The following FBLN5 variants were observed in gnomAD, a reference collection of about 807,000 sequenced individuals.
FBLN5 encodes fibulin 5, also known as fibulin-5.
Under a neutral mutation model 61.6 loss-of-function variants are expected in FBLN5, and 24 were observed. The ratio of observed to expected loss-of-function variants is 0.39; its 90% CI spans 0.28 to 0.55. The LOEUF is 0.55. Ranked by LOEUF, FBLN5 falls within the 20% of genes least tolerant of loss-of-function variation. The pLI is 0.65. For missense variants in FBLN5, 470 were observed against 594.1 expected (o/e 0.79, Z 2.17); for synonymous variants, 213 against 219.8 (o/e 0.97, Z 0.27).
At chr14:91,938,629 C>G (rs2056058230) in intron 3 of FBLN5, among the ~76,000 whole-genome samples, 1 of 152,138 alleles carries the variant, frequency 6.6e-6, no homozygotes, top group Admixed American at 6.5e-5. Context: ...GAGGTGGACT[C>G]TCTAGAAAAT....
chr14:91,891,995 GTGAACATAAA>G (rs1178689867), intron 5 of FBLN5, among the ~76,000 whole-genome samples: 1 of 152,214 alleles, frequency 6.6e-6, no homozygotes, highest in Non-Finnish European at 1.5e-5. Flanking sequence ...TTGCACCAGA[GTGAACATAAA>G]ACTCTGGATA....
Position 91,943,425 on chromosome 14 carries a change from C to T in FBLN5, c.18-464G>A, listed in dbSNP as rs1176310084. On this transcript the variant is annotated intron_variant, in intron 1 of 10. Transcript: ENST00000342058. The surrounding 1 kb of genome is among the most constrained non-coding windows in gnomAD (Gnocchi z 4.0). ...ACTCAGGAGGCTGAGGTGGGATCAC[C>T]TGAGCCCAGGGGGTTTGAGGCTGCA... 1.3e-5 allele frequency among the ~76,000 whole-genome samples: 2 copies of T among 152,152 alleles called. No homozygotes were observed. Among genetic ancestry groups the T allele is most frequent in the East Asian group, 1.9e-4 (1 of 5,148 alleles).
In FBLN5 at chr14:91,930,827, C is replaced by T. The variant is rs534780480; in HGVS notation, c.379+6120G>A. ...TTTCCAAGCAGATTCCGAGTGAAGCCACATCAGGCTTAGCTGGGGAAAGCC... is the reference window on the plus strand; with the variant it reads ...TTTCCAAGCAGATTCCGAGTGAAGCTACATCAGGCTTAGCTGGGGAAAGCC... On this transcript the variant is annotated intron_variant, in intron 4 of 10. Transcript: ENST00000342058. Among the ~76,000 whole-genome samples the T allele has an allele frequency of 7.2e-5, 11 of 152,256 alleles. No individual in the cohort carries two copies. The South Asian group carries it at 2.3e-3, about 32-fold the overall frequency.
chr14:91,945,863 T>C (rs1398424884), intron 1 of FBLN5, among the ~76,000 whole-genome samples: 1 of 152,196 alleles, frequency 6.6e-6, no homozygotes, highest in East Asian at 1.9e-4. Flanking sequence ...TTTTTGATAT[T>C]TGCCATGGCC....
intron 7 of FBLN5, among the ~76,000 whole-genome samples, chr14:91,883,479 A>C (rs1350300064): frequency 3.9e-5 from 6 of 152,200 alleles, no homozygotes; most frequent in African/African-American, 1.4e-4. Flanking sequence ...TTCCCAAAAA[A>C]ACATTCCCTG....
intron 1 of FBLN5, among the ~76,000 whole-genome samples, chr14:91,945,201 A>C (rs909928010): frequency 1.3e-5 from 2 of 151,624 alleles, no homozygotes; most frequent in African/African-American, 4.8e-5. Flanking sequence ...ACTGCATTCC[A>C]GCCCGGGAGA....
At chr14:91,916,694 G>T (rs755991526) in intron 4 of FBLN5, among the ~76,000 whole-genome samples, 1 of 152,116 alleles carries the variant, frequency 6.6e-6, no homozygotes, top group Non-Finnish European at 1.5e-5. Context: ...GACTGAGATA[G>T]TGCATCCTTT....
intron 4 of FBLN5, among the ~76,000 whole-genome samples, chr14:91,901,917 C>T (rs1255087674): frequency 6.6e-6 from 1 of 152,246 alleles, no homozygotes; most frequent in African/African-American, 2.4e-5. Flanking sequence ...CAGGTCCCAA[C>T]CTCTCCATGG....
chr14:91,891,169 G>A, intron 6 of FBLN5, 52 bp downstream of exon 6: 3 of 997,476 alleles, frequency 3.0e-6, no homozygotes, highest in Non-Finnish European at 4.9e-6. Flanking sequence ...TGCTGAAGAA[G>A]GCTGCAGCTA....
intron 10 of FBLN5, among the ~76,000 whole-genome samples, chr14:91,875,999 C>A (rs1300058546): frequency 6.6e-6 from 1 of 152,240 alleles, no homozygotes; most frequent in Non-Finnish European, 1.5e-5. Flanking sequence ...ACCCCCACCA[C>A]CAAACTCCAC....
intron 1 of FBLN5, among the ~76,000 whole-genome samples, chr14:91,944,695 C>T (rs761921317): frequency 1.8e-4 from 28 of 152,152 alleles, no homozygotes; most frequent in Non-Finnish European, 3.8e-4. Context: ...AAAAGCCACT[C>T]ACAAAAAAGA....
chr14:91,908,504 G>A (rs371464792), intron 4 of FBLN5, among the ~76,000 whole-genome samples: 10 of 152,138 alleles, frequency 6.6e-5, no homozygotes, highest in East Asian at 3.8e-4. Flanking sequence ...ACTCAAGGCC[G>A]CCTATTTGAG....
intron 4 of FBLN5, among the ~76,000 whole-genome samples, chr14:91,932,160 C>T (rs2055935216): frequency 6.6e-6 from 1 of 152,198 alleles, no homozygotes; most frequent in Non-Finnish European, 1.5e-5. Context: ...CTGGGTGACA[C>T]ACTCTAATGA....
At chr14:91,874,466 G>A (rs2284338) in intron 10 of FBLN5, 41,161 of 152,072 alleles carry the variant, frequency 0.27, 5,723 homozygotes, top group Middle Eastern at 0.39. Context: ...TCCCCATTCT[G>A]AAGAAAAGTA....
intron 4 of FBLN5, among the ~76,000 whole-genome samples, chr14:91,912,410 C>T (rs891285055): frequency 3.3e-5 from 5 of 151,950 alleles, no homozygotes; most frequent in Non-Finnish European, 5.9e-5. Flanking sequence ...TATGGGAGAC[C>T]GAGGTGGGCA....
At chr14:91,893,632 C>G (rs943207413) in intron 5 of FBLN5, among the ~76,000 whole-genome samples, 16 of 152,188 alleles carry the variant, frequency 1.1e-4, no homozygotes, top group African/African-American at 3.9e-4. Flanking sequence ...AAATCACACC[C>G]TAGAATTAGA....
chr14:91,939,891 G>A (rs766260468), intron 3 of FBLN5: 23 of 448,538 alleles, frequency 5.1e-5, no homozygotes, highest in African/African-American at 4.0e-4. Context: ...GGGTGGGCCC[G>A]ATATATTCAC....
chr14:91,891,873 CCAGCTGT>C (rs780918549), intron 5 of FBLN5, among the ~76,000 whole-genome samples: 2 of 152,174 alleles, frequency 1.3e-5, no homozygotes, highest in Non-Finnish European at 2.9e-5. Context: ...ATGAATATGT[CCAGCTGT>C]CAGGAACAAG....
Position 91,943,437 on chromosome 14 carries a change from G to A in FBLN5, c.18-476C>T, listed in dbSNP as rs1457039963. Among the ~76,000 whole-genome samples the A allele has an allele frequency of 1.3e-5, 2 of 151,906 alleles. No individual in the cohort carries two copies. The highest frequency in any genetic ancestry group is 4.8e-5 in the African/African-American group (2 of 41,340). Reference sequence around the variant, plus strand: ...GAGGTGGGATCACCTGAGCCCAGGGGGTTTGAGGCTGCAGTGAGCTGAGAT... The same window carrying A: ...GAGGTGGGATCACCTGAGCCCAGGGAGTTTGAGGCTGCAGTGAGCTGAGAT... On this transcript the variant is annotated intron_variant, in intron 1 of 10. Coordinates refer to ENST00000342058, the MANE Select transcript of FBLN5 (RefSeq NM_006329.4). The surrounding 1 kb of genome is among the most constrained non-coding windows in gnomAD (Gnocchi z 4.0).
Sources: allele counts gnomAD v4.1 joint callset (sites outside exome capture counted in the v4.1 genomes callset), GRCh38; gene constraint gnomAD v4.1.1; non-coding constraint Gnocchi (gnomAD v3.1); transcripts MANE v1.5; gene names NCBI Gene and HGNC (gene_info 2026-07-23, HGNC 2026-07-21).